Variants in CREG2 observed in about 807,000 individuals in gnomAD.
CREG2 encodes cellular repressor of E1A stimulated genes 2.
A neutral mutation model predicts 26.2 loss-of-function variants in CREG2; 24 were observed. The observed-to-expected ratio is 0.92, with a 90% CI of 0.66 to 1.29. The LOEUF is 1.29. CREG2 is among the 50% of genes most tolerant of loss of function. The pLI is 0.00. For missense variants in CREG2, 366 were observed against 398.6 expected (o/e 0.92, Z 0.70); for synonymous variants, 174 against 169.2 (o/e 1.03, Z -0.22).
chr2:101,385,937 T>C (rs1035134540), intron 1 of CREG2, among the ~76,000 whole-genome samples: 8 of 152,238 alleles, frequency 5.3e-5, no homozygotes. Context: ...AGATTTGTGT[T>C]TTCAACTAAG....
At chr2:101,381,863 A>G (rs1684879882) in intron 2 of CREG2, among the ~76,000 whole-genome samples, 1 of 152,176 alleles carries the variant, frequency 6.6e-6, no homozygotes, top group Non-Finnish European at 1.5e-5. Flanking sequence ...ACGTGGCTCT[A>G]GGCTGTGCAG....
chr2:101,384,701 T>G (rs1684937603), intron 1 of CREG2, among the ~76,000 whole-genome samples: 1 of 152,088 alleles, frequency 6.6e-6, no homozygotes, highest in African/African-American at 2.4e-5. Context: ...TACAAAAAGT[T>G]TTTTAAAAAA....
At position 101,350,732 on chromosome 2, in the gene CREG2, G is replaced by T. The variant is rs374633023; in HGVS notation, c.*191C>A. The stretch of plus-strand genomic sequence containing the variant: ...ACGTGAAGTATCTGTGTGAGTTGGA[G>T]ATCTGCAAATGACCACTTTAATCTC... On this transcript the variant is annotated 3_prime_UTR_variant, in exon 4 of 4. Coordinates refer to ENST00000324768, the MANE Select transcript of CREG2 (RefSeq NM_153836.4). 1.7e-6 allele frequency: 1 copy of T among 588,454 alleles called. No homozygotes were observed. The highest frequency in any genetic ancestry group is 2.3e-5 in the South Asian group (1 of 44,008). The allele number at this position is 588,454 out of a possible 1,614,324, so 36.5% of individuals were successfully genotyped here.
chr2:101,354,101 C>T (rs750260516), intron 3 of CREG2, among the ~76,000 whole-genome samples: 32 of 151,886 alleles, frequency 2.1e-4, no homozygotes, highest in Admixed American at 4.6e-4. Flanking sequence ...GTTCTGCACA[C>T]GTATCCCAGA....
chr2:101,372,600 C>A (rs545915992), intron 2 of CREG2, among the ~76,000 whole-genome samples: 1 of 152,154 alleles, frequency 6.6e-6, no homozygotes, highest in Non-Finnish European at 1.5e-5. Context: ...AAAAGCCCAG[C>A]CTATAAGCAC....
Position 101,347,319 on chromosome 2 carries a change from C to A in CREG2, c.*3604G>T, listed in dbSNP as rs1482619625. On this transcript the variant is annotated 3_prime_UTR_variant, in exon 4 of 4. Transcript: ENST00000324768. ...TTTTTGTGTGAACCTCTTTTCATTTCTCTTGTATAAATGCCCAGGAGCAAT... is the reference window on the plus strand; with the variant it reads ...TTTTTGTGTGAACCTCTTTTCATTTATCTTGTATAAATGCCCAGGAGCAAT... 1.3e-5 allele frequency: 2 copies of A among 152,124 alleles called. No homozygotes were observed. Among genetic ancestry groups the A allele is most frequent in the African/African-American group, 4.8e-5 (2 of 41,440 alleles). The allele number at this position is 152,124 out of a possible 1,614,324, so 9.4% of individuals were successfully genotyped here.
At chr2:101,371,137 C>G (rs936536126) in intron 2 of CREG2, among the ~76,000 whole-genome samples, 4 of 152,168 alleles carry the variant, frequency 2.6e-5, no homozygotes, top group Non-Finnish European at 5.9e-5. Flanking sequence ...ACCCCTGCCC[C>G]CTCCCCGTAG....
intron 2 of CREG2, chr2:101,382,429 A>G (rs1158327623): frequency 7.9e-5 from 26 of 328,760 alleles, no homozygotes; most frequent in South Asian, 2.6e-4. Flanking sequence ...TCTATCTCGA[A>G]AAAAAAAAAA....
intron 2 of CREG2, among the ~76,000 whole-genome samples, chr2:101,360,472 C>T (rs1273730681): frequency 6.6e-6 from 1 of 152,174 alleles, no homozygotes; most frequent in Non-Finnish European, 1.5e-5. Flanking sequence ...CAGTGACTCA[C>T]ACCTGTAATC....
At chr2:101,371,814 T>C (rs1441358925) in intron 2 of CREG2, among the ~76,000 whole-genome samples, 3 of 152,024 alleles carry the variant, frequency 2.0e-5, no homozygotes, top group Non-Finnish European at 4.4e-5. Context: ...TGGTATGGGC[T>C]TTTCAGAGGG....
chr2:101,364,399 G>A (rs1170123319), intron 2 of CREG2, among the ~76,000 whole-genome samples: 1 of 152,178 alleles, frequency 6.6e-6, no homozygotes, highest in African/African-American at 2.4e-5. Context: ...CAACCAAAAA[G>A]GTCTCCAGAC....
intron 2 of CREG2, among the ~76,000 whole-genome samples, chr2:101,357,410 T>A (rs1208489165): frequency 6.6e-6 from 1 of 152,194 alleles, no homozygotes; most frequent in Non-Finnish European, 1.5e-5. Context: ...GAGAATCTGA[T>A]TCTCCAAATG....
chr2:101,365,192 G>GT (rs1423711552), intron 2 of CREG2, among the ~76,000 whole-genome samples: 1 of 152,170 alleles, frequency 6.6e-6, no homozygotes, highest in Non-Finnish European at 1.5e-5. Flanking sequence ...GTTCCCTAGG[G>GT]TAACCCTAGA....
At chr2:101,386,489 C>T (rs1684968512) in intron 1 of CREG2, among the ~76,000 whole-genome samples, 1 of 152,214 alleles carries the variant, frequency 6.6e-6, no homozygotes, top group South Asian at 2.1e-4. Flanking sequence ...ACACACTTTG[C>T]ATAATAAGCC....
intron 1 of CREG2, 101 bp downstream of exon 1, chr2:101,386,916 C>T (rs1022365506): frequency 2.2e-5 from 25 of 1,160,694 alleles, no homozygotes; most frequent in Non-Finnish European, 6.5e-6. Context: ...GTCTGGTGGA[C>T]CCGGATCTCA....
chr2:101,352,037 A>G (rs2104468282), intron 3 of CREG2, among the ~76,000 whole-genome samples: 2 of 88,038 alleles, frequency 2.3e-5, no homozygotes, highest in South Asian at 1.1e-3. Context: ...TGCCTGGCTA[A>G]TTTAAAAAAA....
intron 3 of CREG2, among the ~76,000 whole-genome samples, chr2:101,353,292 G>T (rs7603688): frequency 0.013 from 1,958 of 152,230 alleles, 47 homozygotes; most frequent in African/African-American, 0.044. Flanking sequence ...TTTGGCTTTT[G>T]TTGCAATTGC....
At chr2:101,367,741 C>T (rs1277788328) in intron 2 of CREG2, among the ~76,000 whole-genome samples, 1 of 152,078 alleles carries the variant, frequency 6.6e-6, no homozygotes, top group Non-Finnish European at 1.5e-5. Flanking sequence ...CCAGTGGGCC[C>T]AATATAAACA....
At chr2:101,354,444 C>A in intron 3 of CREG2, among the ~76,000 whole-genome samples, 1 of 152,154 alleles carries the variant, frequency 6.6e-6, no homozygotes, top group East Asian at 1.9e-4. Context: ...TTCACTGCAT[C>A]CCTGCGTGCA....
Sources: allele counts gnomAD v4.1 joint callset (sites outside exome capture counted in the v4.1 genomes callset), GRCh38; gene constraint gnomAD v4.1.1; transcripts MANE v1.5; gene names NCBI Gene and HGNC (gene_info 2026-07-23, HGNC 2026-07-21).